The following GLIS3 variants were observed in gnomAD, a reference collection of about 807,000 sequenced individuals.
GLIS3 encodes the protein GLIS family zinc finger 3.
GLIS3 carries 53 observed loss-of-function variants against 78.6 expected under a neutral mutation model. The observed-to-expected ratio is 0.67, with a 90% CI of 0.54 to 0.85. The LOEUF (loss-of-function observed/expected upper bound fraction) is 0.85. Ranked by LOEUF, GLIS3 falls within the 40% of genes least tolerant of loss-of-function variation. The pLI, the probability that GLIS3 is intolerant of heterozygous loss-of-function variation, is 0.00. For synonymous variants in GLIS3, 684 were observed against 509.9 expected, an observed-to-expected ratio of 1.34 and a Z score of -4.60; for missense variants, 1,703 against 1,231.1, an observed-to-expected ratio of 1.38 and a Z score of -5.74.
intron 2 of GLIS3, among the ~76,000 whole-genome samples, chr9:4,213,941 A>AG (rs1820592017): frequency 7.0e-6 from 1 of 142,550 alleles, no homozygotes; most frequent in Non-Finnish European, 1.6e-5. Flanking sequence ...AAAAAAAAAA[A>AG]ACAACTAAAA....
intron 2 of GLIS3, among the ~76,000 whole-genome samples, chr9:4,280,728 T>G (rs1346530271): frequency 1.3e-5 from 2 of 152,142 alleles, no homozygotes; most frequent in South Asian, 2.1e-4. Flanking sequence ...CTCTTTTGCC[T>G]TTTATCCTCT....
chr9:3,934,968 T>C lies in GLIS3; in HGVS notation c.1872+2060A>G, dbSNP rs145099777. ...CCACCTGTACTGTACAATTACTGTG[T>C]AGATATTAAGATGCTAATAGAGAGA... On this transcript the variant is annotated intron_variant, in intron 5 of 10. Coordinates refer to ENST00000381971, the MANE Select transcript of GLIS3 (RefSeq NM_001042413.2). Among the ~76,000 whole-genome samples, 579 of 152,306 alleles carry C rather than the reference T, an allele frequency of 3.8e-3. 2 individuals carry two copies. The highest frequency in any genetic ancestry group is 0.013 in the African/African-American group (530 of 41,544).
At chr9:3,856,639 GTGT>G (rs1396365100) in intron 8 of GLIS3, among the ~76,000 whole-genome samples, 1 of 152,210 alleles carries the variant, frequency 6.6e-6, no homozygotes, top group Non-Finnish European at 1.5e-5. Context: ...GGTCCAAGAA[GTGT>G]TGTTACAAGT....
the GLIS3 span, among the ~76,000 whole-genome samples, chr9:4,416,620 A>G: frequency 6.6e-6 from 1 of 152,130 alleles, no homozygotes; most frequent in East Asian, 1.9e-4. Context: ...CAGTGTTACA[A>G]AGTGACTCCA....
intron 6 of GLIS3, among the ~76,000 whole-genome samples, chr9:3,913,755 G>C (rs796456715): frequency 1.1e-4 from 16 of 152,168 alleles, no homozygotes; most frequent in African/African-American, 3.9e-4. Flanking sequence ...TCTACATTTT[G>C]TAATAGCTAT....
At chr9:4,352,081 G>A (rs907753805), upstream of GLIS3, among the ~76,000 whole-genome samples, 5 of 152,156 alleles carry the variant, frequency 3.3e-5, no homozygotes, top group African/African-American at 1.2e-4. Flanking sequence ...TACAGTGTTC[G>A]TGAAGACAGA....
intron 2 of GLIS3, among the ~76,000 whole-genome samples, chr9:4,179,959 A>G (rs1311867294): frequency 6.6e-6 from 1 of 152,162 alleles, no homozygotes; most frequent in African/African-American, 2.4e-5. Context: ...TTTTATGAAA[A>G]AGTAGGCTGG....
chr9:4,181,012 C>G (rs1817272390), intron 2 of GLIS3, among the ~76,000 whole-genome samples: 1 of 152,162 alleles, frequency 6.6e-6, no homozygotes, highest in African/African-American at 2.4e-5. Context: ...GATGTTGAAG[C>G]AAGGTGTCCA....
intron 9 of GLIS3, among the ~76,000 whole-genome samples, chr9:3,834,255 G>A (rs367628987): frequency 5.9e-5 from 9 of 152,062 alleles, no homozygotes; most frequent in South Asian, 2.1e-4. Context: ...TTTGGATTTC[G>A]TTTCCAAACT....
In GLIS3 at chr9:4,299,432, G is replaced by C. The variant is rs568860551; in HGVS notation, c.-110C>G. The C allele has an allele frequency of 9.2e-5, 14 of 152,530 alleles. No homozygotes were observed. The highest frequency in any genetic ancestry group is 5.2e-4 in the Admixed American group (8 of 15,308). The allele number at this position is 152,530 out of a possible 1,614,324, so 9.4% of individuals were successfully genotyped here. A position where few individuals can be genotyped will look rare whatever the true frequency, so the allele number is the denominator to read the frequency against. ...TGGCATCCACTTACCAGGTAACCGG[G>C]ATTTCCACAACAAAGCCCGGCGTGC... On this transcript the variant is annotated 5_prime_UTR_variant, in exon 1 of 11. It adds an upstream start codon to the 5' untranslated region. Coordinates refer to ENST00000381971, the MANE Select transcript of GLIS3 (RefSeq NM_001042413.2).
the GLIS3 span, among the ~76,000 whole-genome samples, chr9:4,449,551 G>C: frequency 6.6e-6 from 1 of 152,190 alleles, no homozygotes; most frequent in Non-Finnish European, 1.5e-5. Context: ...TAGCCTAACT[G>C]GGAGACATCT....
chr9:3,877,144 T>C (rs1821370903), intron 8 of GLIS3, among the ~76,000 whole-genome samples: 1 of 152,166 alleles, frequency 6.6e-6, no homozygotes, highest in African/African-American at 2.4e-5. Context: ...TTCACGACAT[T>C]GTGGATGGAG....
the GLIS3 span, among the ~76,000 whole-genome samples, chr9:4,368,631 G>A: frequency 6.6e-6 from 1 of 152,186 alleles, no homozygotes; most frequent in African/African-American, 2.4e-5. Flanking sequence ...GATTACAGGC[G>A]TGAGCCACTG....
chr9:4,067,433 C>A (rs1827194315), intron 4 of GLIS3, among the ~76,000 whole-genome samples: 1 of 151,990 alleles, frequency 6.6e-6, no homozygotes, highest in Non-Finnish European at 1.5e-5. Context: ...CAGAGAAGCT[C>A]CTTTATAGGA....
At chr9:4,393,516 G>A in the GLIS3 span, among the ~76,000 whole-genome samples, 1 of 152,032 alleles carries the variant, frequency 6.6e-6, no homozygotes, top group Non-Finnish European at 1.5e-5. Flanking sequence ...GGTTTTTCCA[G>A]CCCAAGATCT....
intron 4 of GLIS3, among the ~76,000 whole-genome samples, chr9:4,031,889 G>T (rs749332466): frequency 4.6e-5 from 7 of 152,060 alleles, no homozygotes; most frequent in African/African-American, 1.7e-4. Flanking sequence ...TTTTAAACCC[G>T]CATTTTTTCA....
intron 2 of GLIS3, among the ~76,000 whole-genome samples, chr9:4,128,371 C>CT (rs1832729367): frequency 1.3e-5 from 2 of 152,238 alleles, no homozygotes; most frequent in South Asian, 4.1e-4. Context: ...CATCTTCTCA[C>CT]TTTTATACTT....
At chr9:4,380,240 A>G in the GLIS3 span, among the ~76,000 whole-genome samples, 1 of 152,208 alleles carries the variant, frequency 6.6e-6, no homozygotes, top group African/African-American at 2.4e-5. Context: ...CTAATTAGAC[A>G]TGTATTTAAC....
chr9:4,012,668 G>C (rs1822112466), intron 4 of GLIS3, among the ~76,000 whole-genome samples: 1 of 151,856 alleles, frequency 6.6e-6, no homozygotes, highest in Non-Finnish European at 1.5e-5. Context: ...GAAATGTGGG[G>C]ACCGGTGGAC....
Sources: gnomAD v4.1 joint callset for allele counts (sites outside exome capture counted in the v4.1 genomes callset) on GRCh38, gnomAD v4.1.1 for gene constraint, MANE v1.5 for transcripts, NCBI Gene and HGNC (gene_info 2026-07-23, HGNC 2026-07-21) for gene names.